The following TXNRD3 variants were observed in gnomAD, a reference collection of about 807,000 sequenced individuals.
TXNRD3 encodes TXNRD3 neighbor gene protein.
In TXNRD3, 68 loss-of-function variants were observed where a neutral mutation model predicts 78.2. The ratio of observed to expected loss-of-function variants is 0.87; its 90% CI spans 0.72 to 1.06. TXNRD3 has a LOEUF of 1.06. TXNRD3 is among the 50% of genes least tolerant of loss of function. The pLI, the probability that TXNRD3 is intolerant of heterozygous loss-of-function variation, is 0.00. For missense variants in TXNRD3, 751 were observed against 809.5 expected, an observed-to-expected ratio of 0.93 and a Z score of 0.88; for synonymous variants, 296 against 300.1, an observed-to-expected ratio of 0.99 and a Z score of 0.14.
At chr3:126,615,322 ATTT>A in intron 13 of TXNRD3, 30 bp downstream of exon 13, 2 of 1,129,862 alleles carry the variant, frequency 1.8e-6, no homozygotes, top group Non-Finnish European at 2.4e-6. Flanking sequence ...TTAAAAGAGA[ATTT>A]TTTAAGGAAG....
At chr3:126,654,647 C>G in intron 1 of TXNRD3, 101 bp downstream of exon 1, 1 of 679,022 alleles carries the variant, frequency 1.5e-6, no homozygotes, top group Non-Finnish European at 2.0e-6. Context: ...CGCCGCAGCC[C>G]GGGACCCGCG....
At chr3:126,649,169 A>G (rs1933313881) in intron 1 of TXNRD3, among the ~76,000 whole-genome samples, 1 of 152,262 alleles carries the variant, frequency 6.6e-6, no homozygotes, top group Non-Finnish European at 1.5e-5. Context: ...ACCCCAACTT[A>G]AAAATGGGAA....
chr3:126,638,934 T>C (rs1277466419), intron 6 of TXNRD3, among the ~76,000 whole-genome samples: 1 of 152,148 alleles, frequency 6.6e-6, no homozygotes. Flanking sequence ...TCTGAGAATG[T>C]AAGACAATGG....
At chr3:126,644,939 T>C (rs973825444) in intron 3 of TXNRD3, among the ~76,000 whole-genome samples, 2 of 152,252 alleles carry the variant, frequency 1.3e-5, no homozygotes, top group African/African-American at 4.8e-5. Flanking sequence ...CTGGGCCATA[T>C]CCTCTTGCTC....
At chr3:126,621,046 C>A (rs532687425) in intron 12 of TXNRD3, among the ~76,000 whole-genome samples, 1 of 152,180 alleles carries the variant, frequency 6.6e-6, no homozygotes, top group Non-Finnish European at 1.5e-5. Context: ...GTCCTTAGCA[C>A]GAGCCAAGCA....
In TXNRD3 at chr3:126,655,068, C is replaced by A; in HGVS notation, c.-78G>T. Reference sequence around the variant, plus strand: ...GGCGGCTGCGGCGCCGGGACGGGGCCTGAGGGGCGGCGAACGCTGCCCTCG... The same window carrying A: ...GGCGGCTGCGGCGCCGGGACGGGGCATGAGGGGCGGCGAACGCTGCCCTCG... On this transcript the variant is annotated 5_prime_UTR_variant, in exon 1 of 16. The change creates a new upstream start codon in the 5' untranslated region. Transcript: ENST00000524230. The A allele has an allele frequency of 1.5e-6, 2 of 1,299,998 alleles. No individual in the cohort carries two copies. 80.5% of individuals were successfully genotyped at this position (1,299,998 alleles called of 1,614,324 possible). A position where few individuals can be genotyped will look rare whatever the true frequency, so the allele number is the denominator to read the frequency against.
chr3:126,609,863 C>T (rs1938154891), intron 14 of TXNRD3, among the ~76,000 whole-genome samples: 1 of 152,190 alleles, frequency 6.6e-6, no homozygotes, highest in African/African-American at 2.4e-5. Flanking sequence ...CCCCAACCCT[C>T]TCACTTTCAG....
rs548161080 is a variant in TXNRD3 at position 126,639,630 on chromosome 3, C to T, written c.712+2402G>A. The stretch of plus-strand genomic sequence containing the variant: ...TGTTGCACAGGCTGGAGTGCAGTGG[C>T]GCAATCAGAGCTCACTGCAGCCTTG... On this transcript the variant is annotated intron_variant, in intron 6 of 15. Coordinates refer to ENST00000524230, the MANE Select transcript of TXNRD3 (RefSeq NM_052883.3). 6.6e-5 allele frequency among the ~76,000 whole-genome samples: 10 copies of T among 152,216 alleles called. No individual in the cohort carries two copies. The East Asian group carries it at 9.6e-4, about 15-fold the overall frequency.
In TXNRD3 at chr3:126,630,619, T is replaced by C. The variant is rs75610359; in HGVS notation, c.1197+93A>G. 3.9e-4 allele frequency: 508 copies of C among 1,299,980 alleles called. 1 individual carries two copies. The African/African-American group carries it at 6.9e-3, about 18-fold the overall frequency. The allele number at this position is 1,299,980 out of a possible 1,614,324, so 80.5% of individuals were successfully genotyped here. A position where few individuals can be genotyped will look rare whatever the true frequency, so the allele number is the denominator to read the frequency against. On this transcript the variant is annotated intron_variant, in intron 9 of 15. Transcript: ENST00000524230. ...AGTGGAAACACTGTTTTAACATTAT[T>C]TGAATACAGACTAATTTATGTAATG...
chr3:126,645,819 C>A (rs939807291), intron 3 of TXNRD3, among the ~76,000 whole-genome samples: 19 of 152,128 alleles, frequency 1.2e-4, no homozygotes, highest in Admixed American at 3.9e-4. Context: ...TTCTACTGGG[C>A]AAACATTAAT....
chr3:126,634,967 G>A (rs573602111), intron 6 of TXNRD3, among the ~76,000 whole-genome samples: 3 of 152,120 alleles, frequency 2.0e-5, no homozygotes, highest in South Asian at 4.1e-4. Context: ...CAACACACAC[G>A]GCCCTTTCTA....
chr3:126,608,769 A>G, intron 14 of TXNRD3, 136 bp from the exon 15 acceptor site: 1 of 1,020,534 alleles, frequency 9.8e-7, no homozygotes, highest in Non-Finnish European at 1.3e-6. Flanking sequence ...GTGAGCAGAG[A>G]ACATTACCAT....
chr3:126,647,673 T>TA (rs1395137353), intron 1 of TXNRD3, among the ~76,000 whole-genome samples: 13 of 151,974 alleles, frequency 8.6e-5, no homozygotes, highest in South Asian at 2.1e-4. Context: ...CTACAAAAAA[T>TA]AAAAAAACAA....
In TXNRD3 at chr3:126,615,479, T is replaced by TTACA. The variant is rs1162142094; in HGVS notation, c.1525-21_1525-18dup. On this transcript the variant is annotated splice_polypyrimidine_tract_variant and intron_variant, in intron 12 of 15. Coordinates refer to ENST00000524230, the MANE Select transcript of TXNRD3 (RefSeq NM_052883.3). ...ATAATCACACTGAAAGACAAACAAA[T>TTACA]TACATTGTCTTATTTTGTGAAACTT... 4.6e-6 allele frequency: 6 copies of TTACA among 1,297,332 alleles called. No individual in the cohort carries two copies. The highest frequency in any genetic ancestry group is 1.5e-5 in the African/African-American group (1 of 66,512). 80.4% of individuals were successfully genotyped at this position (1,297,332 alleles called of 1,614,324 possible).
chr3:126,650,624 G>C (rs527682687), intron 1 of TXNRD3, among the ~76,000 whole-genome samples: 17 of 151,176 alleles, frequency 1.1e-4, no homozygotes, highest in African/African-American at 3.6e-4. Context: ...CTGGGCAACA[G>C]AGCAAGACCC....
intron 14 of TXNRD3, 44 bp downstream of exon 14, chr3:126,610,993 C>G (rs1017403486): frequency 1.7e-6 from 2 of 1,160,218 alleles, no homozygotes; most frequent in South Asian, 3.5e-5. Flanking sequence ...ATAAAAGCTA[C>G]ATTTAAAAAT....
At chr3:126,609,058 G>A in intron 14 of TXNRD3, 1 of 305,312 alleles carries the variant, frequency 3.3e-6, no homozygotes, top group South Asian at 2.9e-5. Context: ...ACATCAAGTG[G>A]AGACAAAGGA....
chr3:126,607,085 A>G lies in TXNRD3; in HGVS notation c.*820T>C, dbSNP rs1938060394. 6.6e-6 allele frequency: 1 copy of G among 152,246 alleles called. No homozygotes were observed. The highest frequency in any genetic ancestry group is 1.5e-5 in the Non-Finnish European group (1 of 68,042). The allele number at this position is 152,246 out of a possible 1,614,324, so 9.4% of individuals were successfully genotyped here. A position where few individuals can be genotyped will look rare whatever the true frequency, so the allele number is the denominator to read the frequency against. Reference sequence around the variant, plus strand: ...TCATTTATGGAACTTTATCATCATTAAACAGACTGTGATGGAATTATTTCA... The same window carrying G: ...TCATTTATGGAACTTTATCATCATTGAACAGACTGTGATGGAATTATTTCA... On this transcript the variant is annotated 3_prime_UTR_variant, in exon 16 of 16. Transcript: ENST00000524230.
chr3:126,618,261 G>T (rs1629528), intron 12 of TXNRD3, among the ~76,000 whole-genome samples: 5 of 151,862 alleles, frequency 3.3e-5, no homozygotes, highest in Non-Finnish European at 7.4e-5. Context: ...GCCAAATAGC[G>T]AAAGTAATAC....
Sources: allele counts gnomAD v4.1 joint callset (sites outside exome capture counted in the v4.1 genomes callset), GRCh38; gene constraint gnomAD v4.1.1; transcripts MANE v1.5; gene names NCBI Gene and HGNC (gene_info 2026-07-23, HGNC 2026-07-21).